TMEM250: variants seen among roughly 807,000 people sequenced by gnomAD.
The protein encoded by TMEM250 is herpes virus UL25-binding protein.
A neutral mutation model predicts 7.0 loss-of-function variants in TMEM250; 7 were observed. The observed-to-expected ratio is 1.00, with a 90% CI of 0.57 to 1.87. The LOEUF is 1.87. Ranked by LOEUF, TMEM250 falls within the 40% of genes most tolerant of loss-of-function variation. The pLI is 0.00. For synonymous variants in TMEM250, 135 were observed against 96.7 expected (o/e 1.40, Z -2.32); for missense variants, 196 against 202.5 (o/e 0.97, Z 0.19).
Position 136,117,038 on chromosome 9 carries a change from C to A in TMEM250, c.-124-14G>T, listed in dbSNP as rs938923636. On this transcript the variant is annotated splice_polypyrimidine_tract_variant and intron_variant, in intron 1 of 1. Coordinates refer to ENST00000418388, the MANE Select transcript of TMEM250 (RefSeq NM_152833.3). ...GGAGGCGTCGGCCTGCGGGGAGAGC[C>A]GCAAAACCCACGTCAGTATGAGGAC... 8.3e-6 allele frequency: 11 copies of A among 1,328,738 alleles called. No homozygotes were observed. Among genetic ancestry groups the A allele is most frequent in the Non-Finnish European group, 7.7e-6 (8 of 1,037,898 alleles). The allele number at this position is 1,328,738 out of a possible 1,614,324, so 82.3% of individuals were successfully genotyped here.
intron 1 of TMEM250, among the ~76,000 whole-genome samples, chr9:136,117,602 T>C (rs187438118): frequency 4.1e-4 from 63 of 152,140 alleles, no homozygotes; most frequent in Non-Finnish European, 7.2e-4. Flanking sequence ...GGCCGTGGGG[T>C]CACCTTGCTG....
Position 136,116,973 on chromosome 9 carries a change from A to T in TMEM250, c.-73T>A. 7.2e-7 allele frequency: 1 copy of T among 1,380,182 alleles called. No homozygotes were observed. Among genetic ancestry groups the T allele is most frequent in the South Asian group, 1.6e-5 (1 of 61,784 alleles). The allele number at this position is 1,380,182 out of a possible 1,614,324, so 85.5% of individuals were successfully genotyped here. A position where few individuals can be genotyped will look rare whatever the true frequency, so the allele number is the denominator to read the frequency against. ...CCAGGCGGCTGTTGGCGTAGGGGTC[A>T]TGGGCGCCTAGGCCTGGGAGCCCGC... is the stretch of plus-strand genomic sequence containing the variant. On this transcript the variant is annotated 5_prime_UTR_variant, in exon 2 of 2. It removes an upstream start codon present in the reference 5' UTR. Transcript: ENST00000418388.
chr9:136,114,800 G>C lies in TMEM250; in HGVS notation c.*1681C>G, dbSNP rs1025726410. ...AGGCTTGGGTGACTCTGAGTAATAC[G>C]TTAACAAAAAACAAAGCTTCTTTGA... On this transcript the variant is annotated 3_prime_UTR_variant, in exon 2 of 2. Transcript: ENST00000418388. 2 of 152,166 alleles carry C rather than the reference G, an allele frequency of 1.3e-5. No individual in the cohort carries two copies. The highest frequency in any genetic ancestry group is 2.4e-5 in the African/African-American group (1 of 41,434). The allele number at this position is 152,166 out of a possible 1,614,324, so 9.4% of individuals were successfully genotyped here. A position where few individuals can be genotyped will look rare whatever the true frequency, so the allele number is the denominator to read the frequency against.
rs1275722282 is a variant in TMEM250, at chr9:136,116,394, G to A, written c.*87C>T. The A allele has an allele frequency of 7.0e-7, 1 of 1,438,828 alleles. No homozygotes were observed. Among genetic ancestry groups the A allele is most frequent in the Non-Finnish European group, 9.1e-7 (1 of 1,099,766 alleles). The allele number at this position is 1,438,828 out of a possible 1,614,324, so 89.1% of individuals were successfully genotyped here. Reference sequence around the variant, plus strand: ...GGCAGCAGCGACTGCCTGGGGGATGGGCGAAGGGAAGGCGCTGGCCGACCC... The same window carrying A: ...GGCAGCAGCGACTGCCTGGGGGATGAGCGAAGGGAAGGCGCTGGCCGACCC... On this transcript the variant is annotated 3_prime_UTR_variant, in exon 2 of 2. Transcript: ENST00000418388.
rs916008317 is a variant in TMEM250, at chr9:136,116,160, G to A, written c.*321C>T. The A allele has an allele frequency of 8.4e-6, 4 of 476,900 alleles. No homozygotes were observed. The highest frequency in any genetic ancestry group is 4.6e-5 in the South Asian group (1 of 21,882). 29.5% of individuals were successfully genotyped at this position (476,900 alleles called of 1,614,324 possible). ...GTGATGTCTAAAGTCCCTGGCAGCT[G>A]TGGTCCTGGAGAGAGGCCCACAGAG... On this transcript the variant is annotated 3_prime_UTR_variant, in exon 2 of 2. Transcript: ENST00000418388.
In TMEM250 at chr9:136,116,680, G is replaced by A. The variant is rs1830708859; in HGVS notation, c.221C>T (p.Ala74Val). 3.7e-6 allele frequency: 6 copies of A among 1,612,246 alleles called. No homozygotes were observed. Among genetic ancestry groups the A allele is most frequent in the Non-Finnish European group, 5.1e-6 (6 of 1,179,742 alleles). The change falls in exon 2 of 2, where the codon GCC (alanine) becomes GTC (valine). Residue 74 changes from alanine to valine, a missense_variant. Coordinates refer to ENST00000418388, the MANE Select transcript of TMEM250 (RefSeq NM_152833.3). ...LFTAALWGALAALFCLQYLGV... is the reference protein window; with the variant it reads ...LFTAALWGALVALFCLQYLGV... ...CAGGTACTGTAGGCAGAAGAGGGCG[G>A]CCAGCGCACCCCAGAGCGCCGCAGT...
At chr9:136,117,559 G>A (rs1043267041) in intron 1 of TMEM250, among the ~76,000 whole-genome samples, 1 of 152,226 alleles carries the variant, frequency 6.6e-6, no homozygotes, top group African/African-American at 2.4e-5. Context: ...GGTGACTCCA[G>A]CAACCTGCTG....
Position 136,116,400 on chromosome 9 carries a change from G to A in TMEM250, c.*81C>T. 3.5e-6 allele frequency: 5 copies of A among 1,440,448 alleles called. No homozygotes were observed. The South Asian group carries it at 7.3e-5, about 21-fold the overall frequency. 89.2% of individuals were successfully genotyped at this position (1,440,448 alleles called of 1,614,324 possible). On this transcript the variant is annotated 3_prime_UTR_variant, in exon 2 of 2. Transcript: ENST00000418388. The stretch of plus-strand genomic sequence containing the variant: ...AGCGACTGCCTGGGGGATGGGCGAA[G>A]GGAAGGCGCTGGCCGACCCCACCCA...
At chr9:136,117,163 C>T in intron 1 of TMEM250, 139 bp from the exon 2 acceptor site, 1 of 481,232 alleles carries the variant, frequency 2.1e-6, no homozygotes. Flanking sequence ...GATCTGCAGG[C>T]ACTCCTGGGC....
Position 136,117,391 on chromosome 9 carries a change from C to G in TMEM250, c.-124-367G>C, listed in dbSNP as rs74477440. On this transcript the variant is annotated intron_variant, in intron 1 of 1. Transcript: ENST00000418388. ...TCCCCACTAGCTGGACCACACTCTG[C>G]TCTTAGGCAGTTTGCCCGTTACTGC... 2.1e-3 allele frequency among the ~76,000 whole-genome samples: 324 copies of G among 152,354 alleles called. 1 individual carries two copies. The highest frequency in any genetic ancestry group is 7.5e-3 in the African/African-American group (311 of 41,582).
chr9:136,118,065 G>A (rs1265004332), intron 1 of TMEM250: 2 of 152,264 alleles, frequency 1.3e-5, no homozygotes, highest in Admixed American at 6.5e-5. Flanking sequence ...GCCCGCAGGG[G>A]CCCGACCTCG....
rs1182062536 is a variant in TMEM250 at position 136,116,612 on chromosome 9, G to GCAC, written c.286_288dup (p.Val96dup). ...CGCCGGCGGCCCAGCAGCAGCAGCAGCACCGACAGCTTGCGCTGGAAGCGC... is the reference window on the plus strand; with the variant it reads ...CGCCGGCGGCCCAGCAGCAGCAGCAGCACCACCGACAGCTTGCGCTGGAAGCGC... On this transcript the variant is annotated inframe_insertion, in exon 2 of 2. Transcript: ENST00000418388. The GCAC allele has an allele frequency of 6.8e-6, 11 of 1,607,244 alleles. No individual in the cohort carries two copies. The highest frequency in any genetic ancestry group is 1.7e-5 in the Admixed American group (1 of 59,982).
chr9:136,117,440 C>T (rs921974443), intron 1 of TMEM250, among the ~76,000 whole-genome samples: 3 of 152,244 alleles, frequency 2.0e-5, no homozygotes, highest in Non-Finnish European at 4.4e-5. Flanking sequence ...GGCTGCCTGA[C>T]CCAGGGCTGA....
intron 1 of TMEM250, chr9:136,117,945 G>A (rs543555995): frequency 1.3e-5 from 2 of 152,448 alleles, no homozygotes; most frequent in South Asian, 2.1e-4. Flanking sequence ...TAACATTACA[G>A]GGGACTGTTG....
In TMEM250 at chr9:136,115,137, T is replaced by A. The variant is rs1319045855; in HGVS notation, c.*1344A>T. The A allele has an allele frequency of 6.6e-6, 1 of 152,426 alleles. No individual in the cohort carries two copies. Among genetic ancestry groups the A allele is most frequent in the South Asian group, 2.1e-4 (1 of 4,832 alleles). The allele number at this position is 152,426 out of a possible 1,614,324, so 9.4% of individuals were successfully genotyped here. A position where few individuals can be genotyped will look rare whatever the true frequency, so the allele number is the denominator to read the frequency against. ...ATGCCCAGAGTGTGGGGACATGGAT[T>A]TGAGGTGACACTAGGGTTGTCAGTA... On this transcript the variant is annotated 3_prime_UTR_variant, in exon 2 of 2. Coordinates refer to ENST00000418388, the MANE Select transcript of TMEM250 (RefSeq NM_152833.3).
intron 1 of TMEM250, 101 bp downstream of exon 1, chr9:136,118,384 C>G (rs1830757568): frequency 6.6e-6 from 1 of 151,970 alleles, no homozygotes; most frequent in Non-Finnish European, 1.5e-5. Flanking sequence ...GCGCCGGGCC[C>G]CCTGGCTGCA....
At position 136,116,917 on chromosome 9, in the gene TMEM250, C is replaced by G; in HGVS notation, c.-17G>C. On this transcript the variant is annotated 5_prime_UTR_variant, in exon 2 of 2. Transcript: ENST00000418388. ...GACCGGCATTGGGCCCCGGCGGCGGCGGCGCTAGGTCGCAGTGGCGGCGGC... is the reference window on the plus strand; with the variant it reads ...GACCGGCATTGGGCCCCGGCGGCGGGGGCGCTAGGTCGCAGTGGCGGCGGC... 3 of 1,478,358 alleles carry G rather than the reference C, an allele frequency of 2.0e-6. No homozygotes were observed. The allele number at this position is 1,478,358 out of a possible 1,614,324, so 91.6% of individuals were successfully genotyped here.
Position 136,116,555 on chromosome 9 carries a change from C to G in TMEM250, c.346G>C (p.Val116Leu). ...AGCATGGTGACGTGGATGCCATAGA[C>G]GAGCAGCTCGTTCACCAGGCGGAAG... ...VDFRLVNELL[V>L]YGIHVTMLLV... The change falls in exon 2 of 2, where the codon GTC becomes CTC. Residue 116 changes from valine (V) to leucine (L), a missense_variant. By Grantham distance (32) the Val-to-Leu change is conservative (BLOSUM62 1). Transcript: ENST00000418388. 1 of 1,596,994 alleles carries G rather than the reference C, an allele frequency of 6.3e-7. No individual in the cohort carries two copies.
Position 136,116,713 on chromosome 9 carries a change from C to T in TMEM250, c.188G>A (p.Ser63Asn). The T allele has an allele frequency of 6.2e-7, 1 of 1,612,524 alleles. No homozygotes were observed. Among genetic ancestry groups the T allele is most frequent in the Non-Finnish European group, 8.5e-7 (1 of 1,179,766 alleles). Reference sequence around the variant, plus strand: ...ACCCCAGAGCGCCGCAGTGAACAGGCTGCAGCTAAAGTAGAGTAGGAAGCG... The same window carrying T: ...ACCCCAGAGCGCCGCAGTGAACAGGTTGCAGCTAAAGTAGAGTAGGAAGCG... ...FIRFLLYFSC[S>N]LFTAALWGAL... The change falls in exon 2 of 2, where the codon AGC becomes AAC. Residue 63 changes from serine to asparagine, a missense_variant. Transcript: ENST00000418388.
Sources: gnomAD v4.1 joint callset for allele counts (sites outside exome capture counted in the v4.1 genomes callset) on GRCh38, gnomAD v4.1.1 for gene constraint, MANE v1.5 for transcripts, NCBI Gene and HGNC (gene_info 2026-07-23, HGNC 2026-07-21) for gene names.